The following ZBTB16 variants were observed in gnomAD, a reference collection of about 807,000 sequenced individuals.
ZBTB16 encodes the protein zinc finger and BTB domain-containing protein 16.
ZBTB16 carries 8 observed loss-of-function variants against 56.8 expected under a neutral mutation model. The ratio of observed to expected loss-of-function variants is 0.14; its 90% CI spans 0.08 to 0.25. The LOEUF is 0.25. ZBTB16 is among the 10% of genes least tolerant of loss of function. The pLI is 1.00. For missense variants in ZBTB16, 625 were observed against 903.0 expected (o/e 0.69, Z 3.95); for synonymous variants, 363 against 368.5 (o/e 0.98, Z 0.17).
Position 114,256,379 on chromosome 11 carries a change from T to C in ZBTB16, c.*5824T>C, listed in dbSNP as rs2135232109. On this transcript the variant is annotated 3_prime_UTR_variant, in exon 7 of 7. Transcript: ENST00000335953. ...CCTGGCCGCCCTGGGGCTACCATGC[T>C]AGCGGGCCGCTGAGTCGGAATCCGT... Among the ~76,000 whole-genome samples the C allele has an allele frequency of 6.6e-6, 1 of 152,302 alleles. No individual in the cohort carries two copies. The highest frequency in any genetic ancestry group is 2.1e-4 in the South Asian group (1 of 4,828).
intron 4 of ZBTB16, among the ~76,000 whole-genome samples, chr11:114,196,092 G>A (rs951258489): frequency 2.6e-5 from 4 of 152,230 alleles, no homozygotes; most frequent in Non-Finnish European, 4.4e-5. Flanking sequence ...AATGCCCAAA[G>A]CTTCCCAAAG....
chr11:114,198,067 G>A (rs1264580761), intron 4 of ZBTB16, among the ~76,000 whole-genome samples: 4 of 152,020 alleles, frequency 2.6e-5, no homozygotes, highest in African/African-American at 4.8e-5. Context: ...CTCTGTCCAA[G>A]GTGGAGGGTA....
At chr11:114,124,473 C>A (rs952207430) in intron 2 of ZBTB16, among the ~76,000 whole-genome samples, 7 of 151,024 alleles carry the variant, frequency 4.6e-5, no homozygotes, top group African/African-American at 1.5e-4. Context: ...TTCTGGAATT[C>A]CAGCCTTGCT....
At chr11:114,135,549 T>C (rs1291230720) in intron 2 of ZBTB16, among the ~76,000 whole-genome samples, 1 of 152,034 alleles carries the variant, frequency 6.6e-6, no homozygotes, top group Non-Finnish European at 1.5e-5. Context: ...GGCCCAGGAA[T>C]GAGAGCAGCC....
chr11:114,166,247 T>TGTGTGTGTGTG (rs1942754302), intron 3 of ZBTB16, among the ~76,000 whole-genome samples: 1 of 138,110 alleles, frequency 7.2e-6, no homozygotes, highest in African/African-American at 2.8e-5. Flanking sequence ...TGTGTGTGTG[T>TGTGTGTGTGTG]AACCATGAGG....
chr11:114,169,843 T>A (rs2135005954), intron 3 of ZBTB16, among the ~76,000 whole-genome samples: 1 of 152,336 alleles, frequency 6.6e-6, no homozygotes, highest in South Asian at 2.1e-4. Flanking sequence ...TCTTTGCTGC[T>A]GGAGTATCCA....
At chr11:114,223,266 A>G (rs1277372983) in intron 4 of ZBTB16, among the ~76,000 whole-genome samples, 1 of 152,210 alleles carries the variant, frequency 6.6e-6, no homozygotes, top group Non-Finnish European at 1.5e-5. Flanking sequence ...CAAACCCACA[A>G]AAGCCTATGC....
At chr11:114,153,009 A>C (rs747498572) in intron 2 of ZBTB16, among the ~76,000 whole-genome samples, 7 of 152,186 alleles carry the variant, frequency 4.6e-5, no homozygotes, top group Non-Finnish European at 1.0e-4. Flanking sequence ...TAAAGAGGGA[A>C]TAGACTGTGA....
chr11:114,140,197 ACCT>A (rs1941909740), intron 2 of ZBTB16, among the ~76,000 whole-genome samples: 1 of 151,582 alleles, frequency 6.6e-6, no homozygotes, highest in Admixed American at 6.6e-5. Context: ...TGAAACAACC[ACCT>A]CCTCTTCTAT....
intron 4 of ZBTB16, among the ~76,000 whole-genome samples, chr11:114,226,176 G>A (rs990633494): frequency 2.0e-5 from 3 of 152,150 alleles, no homozygotes; most frequent in Admixed American, 6.5e-5. Flanking sequence ...GTGCATGAGT[G>A]AGTCAGTAAG....
rs1363687199 is a variant in ZBTB16 at position 114,225,952 on chromosome 11, C to T, written c.1454-16215C>T. 2.0e-5 allele frequency among the ~76,000 whole-genome samples: 3 copies of T among 152,188 alleles called. No homozygotes were observed. The East Asian group carries it at 5.8e-4, about 29-fold the overall frequency. On this transcript the variant is annotated intron_variant, in intron 4 of 6. Transcript: ENST00000335953. ...TCTAATACAGAAAGGAAACTAAGAC[C>T]CAGAGATACTAAGTGATTTGCATAT... is the stretch of plus-strand genomic sequence containing the variant.
intron 3 of ZBTB16, among the ~76,000 whole-genome samples, chr11:114,167,715 G>C (rs192430227): frequency 6.6e-6 from 1 of 152,106 alleles, no homozygotes; most frequent in Non-Finnish European, 1.5e-5. Context: ...TGAATGGCAA[G>C]ATTCTTTTAT....
intron 2 of ZBTB16, among the ~76,000 whole-genome samples, chr11:114,118,230 G>A (rs1941236339): frequency 6.6e-6 from 1 of 152,188 alleles, no homozygotes; most frequent in Admixed American, 6.5e-5. Context: ...AGGCTGGAGT[G>A]CAGTGGTGCG....
At chr11:114,146,167 C>T (rs549277727) in intron 2 of ZBTB16, among the ~76,000 whole-genome samples, 1 of 152,176 alleles carries the variant, frequency 6.6e-6, no homozygotes, top group South Asian at 2.1e-4. Context: ...GAAGTCCCTG[C>T]GAGACCCACA....
intron 3 of ZBTB16, among the ~76,000 whole-genome samples, chr11:114,177,396 A>G (rs918015528): frequency 6.6e-6 from 1 of 152,146 alleles, no homozygotes; most frequent in African/African-American, 2.4e-5. Flanking sequence ...GATTACAGGC[A>G]TGTGCCACCA....
chr11:114,180,340 G>C (rs1180470229), intron 3 of ZBTB16, among the ~76,000 whole-genome samples: 1 of 152,184 alleles, frequency 6.6e-6, no homozygotes, highest in East Asian at 1.9e-4. Flanking sequence ...CTGGGTACCT[G>C]GAATCTCAGA....
At chr11:114,211,989 A>G (rs551833360) in intron 4 of ZBTB16, among the ~76,000 whole-genome samples, 6 of 152,204 alleles carry the variant, frequency 3.9e-5, no homozygotes, top group Non-Finnish European at 7.4e-5. Flanking sequence ...CTGGCATGTG[A>G]TTGATTATCT....
intron 2 of ZBTB16, among the ~76,000 whole-genome samples, chr11:114,082,459 C>T (rs2137700413): frequency 6.6e-6 from 1 of 152,314 alleles, no homozygotes; most frequent in South Asian, 2.1e-4. Context: ...TTTGTTTTAA[C>T]TGCTGTTTCT....
intron 4 of ZBTB16, among the ~76,000 whole-genome samples, chr11:114,237,826 AT>A (rs1192419475): frequency 6.6e-6 from 1 of 151,976 alleles, no homozygotes; most frequent in African/African-American, 2.4e-5. Context: ...CCACTTTTCC[AT>A]TTTTTTAAAA....
Sources: allele counts gnomAD v4.1 joint callset (sites outside exome capture counted in the v4.1 genomes callset), GRCh38; gene constraint gnomAD v4.1.1; transcripts MANE v1.5; gene names NCBI Gene and HGNC (gene_info 2026-07-23, HGNC 2026-07-21).